Variants in FGGY observed in about 807,000 individuals in gnomAD.
FGGY encodes the protein FGGY carbohydrate kinase domain containing, also known as FGGY carbohydrate kinase domain-containing protein.
A neutral mutation model predicts 71.3 loss-of-function variants in FGGY; 72 were observed. The observed-to-expected ratio is 1.01, with a 90% CI of 0.84 to 1.23. The LOEUF is 1.23. FGGY is among the 50% of genes most tolerant of loss of function. FGGY has a pLI of 0.00. For synonymous variants in FGGY, 251 were observed against 250.3 expected, an observed-to-expected ratio of 1.00 and a Z score of -0.02; for missense variants, 668 against 682.3, an observed-to-expected ratio of 0.98 and a Z score of 0.23.
chr1:59,332,502 G>A (rs779031391), intron 2 of FGGY, among the ~76,000 whole-genome samples: 3 of 152,134 alleles, frequency 2.0e-5, no homozygotes, highest in African/African-American at 4.8e-5. Context: ...TGGGAATGGC[G>A]ATGTTCCTCA....
At chr1:59,534,663 T>A (rs1401282331) in intron 7 of FGGY, among the ~76,000 whole-genome samples, 2 of 150,916 alleles carry the variant, frequency 1.3e-5, no homozygotes, top group Non-Finnish European at 3.0e-5. Flanking sequence ...CAGAAGAGAG[T>A]GGGGGCCAAT....
chr1:59,714,903 A>G (rs1264639257), intron 14 of FGGY, among the ~76,000 whole-genome samples: 1 of 152,212 alleles, frequency 6.6e-6, no homozygotes, highest in Non-Finnish European at 1.5e-5. Flanking sequence ...TCTCAGGTTT[A>G]AGTATGCTAT....
chr1:59,612,397 A>G (rs1034883792), intron 9 of FGGY, among the ~76,000 whole-genome samples: 2 of 152,212 alleles, frequency 1.3e-5, no homozygotes, highest in Non-Finnish European at 2.9e-5. Context: ...AGCCAAACTA[A>G]GCTTCATAAG....
chr1:59,588,643 T>G (rs1006291308), intron 8 of FGGY, among the ~76,000 whole-genome samples: 9 of 152,060 alleles, frequency 5.9e-5, no homozygotes, highest in Non-Finnish European at 1.2e-4. Context: ...TTTAACATTC[T>G]TAAAGAAAAG....
At chr1:59,645,438 C>T (rs2097084190) in intron 11 of FGGY, among the ~76,000 whole-genome samples, 1 of 152,192 alleles carries the variant, frequency 6.6e-6, no homozygotes, top group Admixed American at 6.5e-5. Flanking sequence ...CTGGACTCAC[C>T]AGCCCAAACA....
intron 5 of FGGY, among the ~76,000 whole-genome samples, chr1:59,392,948 C>T (rs1250822676): frequency 6.6e-6 from 1 of 152,150 alleles, no homozygotes. Flanking sequence ...AATGTCAGCT[C>T]TCATTATTGC....
At chr1:59,513,806 A>T (rs76126598) in intron 7 of FGGY, among the ~76,000 whole-genome samples, 16 of 152,174 alleles carry the variant, frequency 1.1e-4, no homozygotes, top group African/African-American at 3.6e-4. Flanking sequence ...AGTAGAGTGA[A>T]GATTAATCTG....
chr1:59,489,596 C>A (rs967065485), intron 6 of FGGY, among the ~76,000 whole-genome samples: 1 of 152,046 alleles, frequency 6.6e-6, no homozygotes, highest in Non-Finnish European at 1.5e-5. Flanking sequence ...ATGTATATCA[C>A]ATTTTCTTTG....
At position 59,582,730 on chromosome 1, in the gene FGGY, A is replaced by G. The variant is rs577318877; in HGVS notation, c.904-25073A>G. The stretch of plus-strand genomic sequence containing the variant: ...GTGTTTGTTGTTAGTTAACTGGCTT[A>G]TGTCTTCCTTGCTGTGAATTCCTTG... On this transcript the variant is annotated intron_variant, in intron 8 of 15. Transcript: ENST00000303721. Among the ~76,000 whole-genome samples, 90 of 150,242 alleles carry G rather than the reference A, an allele frequency of 6.0e-4. 2 individuals carry two copies. The highest frequency in any genetic ancestry group is 3.4e-3 in the Middle Eastern group (1 of 294).
chr1:59,571,164 A>G (rs192708799), intron 8 of FGGY, among the ~76,000 whole-genome samples: 11 of 152,320 alleles, frequency 7.2e-5, no homozygotes, highest in African/African-American at 2.2e-4. Context: ...TTTGATTACT[A>G]CTATTACACT....
intron 1 of FGGY, among the ~76,000 whole-genome samples, chr1:59,302,452 A>C (rs777467829): frequency 6.6e-6 from 1 of 152,246 alleles, no homozygotes; most frequent in Non-Finnish European, 1.5e-5. Flanking sequence ...AATGTGGTAC[A>C]TATGCACCAT....
At chr1:59,652,708 G>T (rs12077092) in intron 11 of FGGY, among the ~76,000 whole-genome samples, 1 of 147,908 alleles carries the variant, frequency 6.8e-6, no homozygotes, top group African/African-American at 2.5e-5. Context: ...ATGTCCTCCC[G>T]TAGCTCAGAG....
At chr1:59,559,936 T>A (rs1436942868) in intron 8 of FGGY, among the ~76,000 whole-genome samples, 7 of 152,198 alleles carry the variant, frequency 4.6e-5, no homozygotes, top group Non-Finnish European at 1.0e-4. Context: ...AAATAATTTA[T>A]ATAAATGTTC....
intron 6 of FGGY, among the ~76,000 whole-genome samples, chr1:59,512,064 T>G (rs2094531458): frequency 6.6e-6 from 1 of 152,206 alleles, no homozygotes; most frequent in South Asian, 2.1e-4. Flanking sequence ...TTCAGAATCT[T>G]TATCTGGTTT....
chr1:59,532,723 A>G (rs2095183070), intron 7 of FGGY, among the ~76,000 whole-genome samples: 1 of 152,194 alleles, frequency 6.6e-6, no homozygotes, highest in Non-Finnish European at 1.5e-5. Context: ...ATGGTGAAAT[A>G]TTACAATGTT....
intron 6 of FGGY, among the ~76,000 whole-genome samples, chr1:59,495,916 T>C (rs898599161): frequency 1.3e-5 from 2 of 152,224 alleles, no homozygotes; most frequent in African/African-American, 4.8e-5. Context: ...TCAGGTAATG[T>C]GGTGCCTCCA....
At chr1:59,761,635 T>C (rs1350393204) in intron 15 of FGGY, among the ~76,000 whole-genome samples, 1 of 152,248 alleles carries the variant, frequency 6.6e-6, no homozygotes, top group East Asian at 1.9e-4. Context: ...TTCTGCTGTC[T>C]GATTCATGGC....
At chr1:59,465,543 A>G (rs969794560) in intron 6 of FGGY, among the ~76,000 whole-genome samples, 2 of 152,242 alleles carry the variant, frequency 1.3e-5, no homozygotes, top group Admixed American at 1.3e-4. Flanking sequence ...AGGGTATTCA[A>G]TTAGGAAAAG....
intron 7 of FGGY, among the ~76,000 whole-genome samples, chr1:59,547,890 C>A (rs1271040541): frequency 6.6e-6 from 1 of 152,190 alleles, no homozygotes; most frequent in Non-Finnish European, 1.5e-5. Flanking sequence ...TTCTGCCACA[C>A]ACATTCATTT....
Sources: gnomAD v4.1 joint callset for allele counts (sites outside exome capture counted in the v4.1 genomes callset) on GRCh38, gnomAD v4.1.1 for gene constraint, MANE v1.5 for transcripts, NCBI Gene and HGNC (gene_info 2026-07-23, HGNC 2026-07-21) for gene names.